BANK1: variants seen among roughly 807,000 people sequenced by gnomAD.
BANK1 encodes the protein B-cell scaffold protein with ankyrin repeats.
A neutral mutation model predicts 94.5 loss-of-function variants in BANK1; 95 were observed. The ratio of observed to expected loss-of-function variants is 1.00; its 90% CI spans 0.85 to 1.19. The LOEUF (loss-of-function observed/expected upper bound fraction) is 1.19, where lower values mean the gene tolerates loss of function less well. BANK1 is among the 50% of genes most tolerant of loss of function. The pLI, the probability that BANK1 is intolerant of heterozygous loss-of-function variation, is 0.00. For missense variants in BANK1, 987 were observed against 932.2 expected, an observed-to-expected ratio of 1.06 and a Z score of -0.77; for synonymous variants, 334 against 308.4, an observed-to-expected ratio of 1.08 and a Z score of -0.87.
At chr4:101,947,315 ATATGTAT>A in intron 7 of BANK1, among the ~76,000 whole-genome samples, 1 of 128,234 alleles carries the variant, frequency 7.8e-6, no homozygotes, top group African/African-American at 2.7e-5. Context: ...ATATATATGT[ATATGTAT>A]TATGTATTAT....
At chr4:101,971,612 T>C (rs1724955135) in intron 7 of BANK1, among the ~76,000 whole-genome samples, 1 of 152,146 alleles carries the variant, frequency 6.6e-6, no homozygotes, top group African/African-American at 2.4e-5. Context: ...CCTGGCAGTT[T>C]ACAGTTTCTG....
At position 101,862,619 on chromosome 4, in the gene BANK1, C is replaced by T. The variant is rs141602182; in HGVS notation, c.718C>T (p.Arg240Trp). ...ATCAAGTAATAAGCGCATTAGAACA[C>T]GGCCAGCCCTTTGGAATAAGAAAGT... ...FTSSNKRIRTRPALWNKKVWC... is the reference protein window; with the variant it reads ...FTSSNKRIRTWPALWNKKVWC... Residue 240 changes from arginine to tryptophan, a missense_variant, in exon 4 of 17, where the codon CGG (arginine) becomes TGG (tryptophan). Coordinates refer to ENST00000322953, the MANE Select transcript of BANK1 (RefSeq NM_017935.5). 1.6e-4 allele frequency: 262 copies of T among 1,609,568 alleles called. 1 individual carries two copies. In the African/African-American group the frequency reaches 2.5e-3, roughly 15 times the overall value.
chr4:101,852,292 G>A (rs1329047064), intron 2 of BANK1, among the ~76,000 whole-genome samples: 1 of 151,006 alleles, frequency 6.6e-6, no homozygotes, highest in Non-Finnish European at 1.5e-5. Flanking sequence ...TCCTCTACTT[G>A]AATTAAATAT....
intron 2 of BANK1, among the ~76,000 whole-genome samples, chr4:101,845,286 AT>A (rs1727201922): frequency 6.6e-6 from 1 of 152,184 alleles, no homozygotes; most frequent in South Asian, 2.1e-4. Flanking sequence ...TCACCAATTT[AT>A]TTATGTACAT....
intron 7 of BANK1, among the ~76,000 whole-genome samples, chr4:101,938,487 G>A (rs566492389): frequency 6.6e-6 from 1 of 151,704 alleles, no homozygotes; most frequent in South Asian, 2.1e-4. Context: ...ATACATGCTT[G>A]AGGTGATGGA....
chr4:101,797,397 T>C (rs1347877758), intron 1 of BANK1, among the ~76,000 whole-genome samples: 1 of 152,140 alleles, frequency 6.6e-6, no homozygotes, highest in Admixed American at 6.5e-5. Flanking sequence ...GAGGAGCTCT[T>C]GAAGAGTTTT....
At chr4:101,940,308 G>C (rs183215603) in intron 7 of BANK1, among the ~76,000 whole-genome samples, 150 of 150,756 alleles carry the variant, frequency 9.9e-4, no homozygotes, top group African/African-American at 3.5e-3. Context: ...TAGTATTTTA[G>C]AATAGTTTTA....
rs1041461064 is a variant in BANK1 at position 101,983,771 on chromosome 4, A to T, written c.1207-37743A>T. Among the ~76,000 whole-genome samples the T allele has an allele frequency of 3.3e-5, 5 of 152,248 alleles. No homozygotes were observed. In the South Asian group the frequency reaches 1.0e-3, roughly 31 times the overall value. Reference sequence around the variant, plus strand: ...AGAGCAAAATTATTTAGCTGAAAGCATTAGATTTGTCAGTGCTTCAAAGCC... The same window carrying T: ...AGAGCAAAATTATTTAGCTGAAAGCTTTAGATTTGTCAGTGCTTCAAAGCC... On this transcript the variant is annotated intron_variant, in intron 7 of 16. Transcript: ENST00000322953.
intron 11 of BANK1, among the ~76,000 whole-genome samples, chr4:102,046,925 C>T (rs2850395): frequency 0.65 from 99,248 of 151,994 alleles, 33,347 homozygotes; most frequent in African/African-American, 0.8. Flanking sequence ...TGAATGTGTA[C>T]ATACAGGCCC....
chr4:101,862,871 A>G, intron 4 of BANK1, among the ~76,000 whole-genome samples: 1 of 152,072 alleles, frequency 6.6e-6, no homozygotes, highest in East Asian at 1.9e-4. Flanking sequence ...TAGTTTGTAT[A>G]CTGTGTAATG....
At chr4:101,798,556 G>A (rs13141934) in intron 1 of BANK1, among the ~76,000 whole-genome samples, 40,218 of 151,926 alleles carry the variant, frequency 0.26, 5,701 homozygotes, top group Non-Finnish European at 0.32. Flanking sequence ...ACAATGGTTG[G>A]ACTAGTTTAC....
chr4:101,925,300 T>C (rs1473941275), intron 7 of BANK1, among the ~76,000 whole-genome samples: 1 of 151,764 alleles, frequency 6.6e-6, no homozygotes, highest in African/African-American at 2.4e-5. Context: ...ATAACAGCTA[T>C]ATAGTTCAGA....
chr4:102,059,063 C>T (rs1728328885), intron 11 of BANK1, among the ~76,000 whole-genome samples: 1 of 152,186 alleles, frequency 6.6e-6, no homozygotes, highest in African/African-American at 2.4e-5. Context: ...TACTTGAAAC[C>T]TCTTTTCCAG....
intron 7 of BANK1, among the ~76,000 whole-genome samples, chr4:102,009,996 G>A (rs953234161): frequency 2.0e-5 from 3 of 152,282 alleles, no homozygotes; most frequent in Non-Finnish European, 2.9e-5. Context: ...GCTGGGTGCC[G>A]TGGCTCACGC....
At chr4:101,900,750 G>A (rs1722255285) in intron 6 of BANK1, among the ~76,000 whole-genome samples, 1 of 152,154 alleles carries the variant, frequency 6.6e-6, no homozygotes, top group African/African-American at 2.4e-5. Flanking sequence ...GTGATCAAAA[G>A]TTCTACTTTG....
intron 6 of BANK1, among the ~76,000 whole-genome samples, chr4:101,901,287 A>G (rs1165751957): frequency 6.6e-6 from 1 of 152,246 alleles, no homozygotes; most frequent in East Asian, 1.9e-4. Context: ...ATATAAAGCC[A>G]CAAAATATCT....
chr4:101,792,006 TAA>T (rs1223638755), intron 1 of BANK1, among the ~76,000 whole-genome samples: 11 of 152,318 alleles, frequency 7.2e-5, no homozygotes, highest in Non-Finnish European at 1.5e-4. Flanking sequence ...CATCTATAAA[TAA>T]ACCAACCATG....
chr4:101,989,219 C>T (rs1029003250), intron 7 of BANK1, among the ~76,000 whole-genome samples: 5 of 151,666 alleles, frequency 3.3e-5, no homozygotes, highest in East Asian at 1.9e-4. Context: ...CCGAGGCGGG[C>T]GGATGACAAG....
chr4:101,995,258 C>T (rs1725838951), intron 7 of BANK1, among the ~76,000 whole-genome samples: 2 of 152,288 alleles, frequency 1.3e-5, no homozygotes, highest in South Asian at 4.1e-4. Context: ...ACCTATGTCC[C>T]TGCAAAGGAC....
Sources: allele counts gnomAD v4.1 joint callset (sites outside exome capture counted in the v4.1 genomes callset), GRCh38; gene constraint gnomAD v4.1.1; transcripts MANE v1.5; gene names NCBI Gene and HGNC (gene_info 2026-07-23, HGNC 2026-07-21).